The following EPHA6 variants were observed in gnomAD, a reference collection of about 807,000 sequenced individuals.
EPHA6 encodes the protein EPH receptor A6, also known as ephrin type-A receptor 6.
In EPHA6, 50 loss-of-function variants were observed where a neutral mutation model predicts 112.0. That is an observed-to-expected ratio of 0.45 (90% confidence interval 0.36 to 0.56). The LOEUF is 0.56. Ranked by LOEUF, EPHA6 falls within the 20% of genes least tolerant of loss-of-function variation. The pLI is 0.00. For missense variants in EPHA6, 1,280 were observed against 1,417.4 expected (o/e 0.90, Z 1.56); for synonymous variants, 529 against 490.7 (o/e 1.08, Z -1.03).
In EPHA6 at chr3:97,267,025, C is replaced by T. The variant is rs564774210; in HGVS notation, c.1606+22738C>T. Among the ~76,000 whole-genome samples, 11 of 152,156 alleles carry T rather than the reference C, an allele frequency of 7.2e-5. No individual in the cohort carries two copies. The South Asian group carries it at 2.3e-3, about 32-fold the overall frequency. On this transcript the variant is annotated intron_variant, in intron 5 of 17. Transcript: ENST00000389672. ...GAGATCTGTAGCCAATGTTTTATAA[C>T]CATACCAGTTTGTTATTTTAGTGTC... is the stretch of plus-strand genomic sequence containing the variant.
At chr3:97,013,115 T>C (rs28688092) in intron 3 of EPHA6, among the ~76,000 whole-genome samples, 2,686 of 152,268 alleles carry the variant, frequency 0.018, 67 homozygotes, top group African/African-American at 0.05. Context: ...GCCTCACTTG[T>C]CAATTTTTGT....
chr3:97,068,155 AAAAAAAAAAG>A (rs1466145798), intron 3 of EPHA6, among the ~76,000 whole-genome samples: 14 of 111,972 alleles, frequency 1.3e-4, no homozygotes, highest in African/African-American at 8.8e-4. Flanking sequence ...ACTCCATCTC[AAAAAAAAAAG>A]AAAAAAAAAA....
At chr3:97,109,780 GGCTCCTGACCTT>G (rs1377040603) in intron 3 of EPHA6, among the ~76,000 whole-genome samples, 2 of 152,108 alleles carry the variant, frequency 1.3e-5, no homozygotes, top group African/African-American at 4.8e-5. Context: ...GATGGACAGA[GGCTCCTGACCTT>G]ATGAAGATAT....
chr3:96,988,848 A>G (rs574681064), intron 3 of EPHA6, among the ~76,000 whole-genome samples: 2 of 152,264 alleles, frequency 1.3e-5, no homozygotes, highest in East Asian at 1.9e-4. Context: ...AAATACCTAT[A>G]ATTTTCGTGA....
chr3:97,411,326 T>A (rs1182412726), intron 6 of EPHA6, among the ~76,000 whole-genome samples: 10 of 151,964 alleles, frequency 6.6e-5, no homozygotes, highest in Admixed American at 5.9e-4. Flanking sequence ...GGGCCAATAC[T>A]GCATCCACAG....
chr3:97,106,383 T>C (rs1453149332), intron 3 of EPHA6, among the ~76,000 whole-genome samples: 2 of 152,036 alleles, frequency 1.3e-5, no homozygotes, highest in African/African-American at 4.8e-5. Context: ...TACAAGCACA[T>C]CCTTATATTA....
chr3:96,991,818 C>G (rs182440375), intron 3 of EPHA6, among the ~76,000 whole-genome samples: 6 of 152,218 alleles, frequency 3.9e-5, no homozygotes. Flanking sequence ...GTTATGGTTC[C>G]TTACACACAC....
In EPHA6 at chr3:96,979,233, G is replaced by A. The variant is rs530149908; in HGVS notation, c.451-8097G>A. Reference sequence around the variant, plus strand: ...CTCCCCCCACCCCACCACAGGCCCCGGTGTGTGATGTTCCCCTTCCTGTGT... The same window carrying A: ...CTCCCCCCACCCCACCACAGGCCCCAGTGTGTGATGTTCCCCTTCCTGTGT... On this transcript the variant is annotated intron_variant, in intron 2 of 17. Transcript: ENST00000389672. Among the ~76,000 whole-genome samples the A allele has an allele frequency of 7.6e-5, 8 of 105,286 alleles. No individual in the cohort carries two copies. In the South Asian group the frequency reaches 1.5e-3, roughly 20 times the overall value. 69.1% of individuals were successfully genotyped at this position (105,286 alleles called of 152,430 possible).
chr3:97,029,679 A>G (rs2044757528), intron 3 of EPHA6, among the ~76,000 whole-genome samples: 1 of 152,156 alleles, frequency 6.6e-6, no homozygotes, highest in Non-Finnish European at 1.5e-5. Context: ...TTTCATCAAA[A>G]TTTATTGAAT....
At chr3:97,118,461 T>A (rs2047955443) in intron 3 of EPHA6, among the ~76,000 whole-genome samples, 1 of 151,908 alleles carries the variant, frequency 6.6e-6, no homozygotes, top group South Asian at 2.1e-4. Context: ...ACTTAAACTT[T>A]TGGAGACTGA....
chr3:96,935,586 C>T (rs1176087520), intron 2 of EPHA6, among the ~76,000 whole-genome samples: 1 of 148,998 alleles, frequency 6.7e-6, no homozygotes, highest in Non-Finnish European at 1.5e-5. Flanking sequence ...ATAAAAATTT[C>T]CAGATTGTTG....
intron 5 of EPHA6, among the ~76,000 whole-genome samples, chr3:97,373,695 C>A (rs535120424): frequency 6.6e-6 from 1 of 152,118 alleles, no homozygotes; most frequent in Non-Finnish European, 1.5e-5. Context: ...GAGAGGTGAT[C>A]ATTTTTAAAG....
chr3:97,580,881 C>T (rs995090076), intron 11 of EPHA6, among the ~76,000 whole-genome samples: 1 of 152,186 alleles, frequency 6.6e-6, no homozygotes, highest in African/African-American at 2.4e-5. Flanking sequence ...ACCCATTTCA[C>T]ACTTATGATC....
chr3:97,502,529 A>G (rs1416339111), intron 10 of EPHA6, among the ~76,000 whole-genome samples: 3 of 151,888 alleles, frequency 2.0e-5, no homozygotes, highest in Non-Finnish European at 4.4e-5. Context: ...TTCCCAGAAT[A>G]CACATTAATC....
chr3:97,475,577 A>G, intron 8 of EPHA6, 117 bp downstream of exon 8: 2 of 664,008 alleles, frequency 3.0e-6, no homozygotes, highest in South Asian at 4.0e-5. Flanking sequence ...GAGGGATCCC[A>G]TAAGAATCCA....
At chr3:97,098,052 ATT>A (rs1444950768) in intron 3 of EPHA6, among the ~76,000 whole-genome samples, 2 of 152,004 alleles carry the variant, frequency 1.3e-5, no homozygotes, top group Non-Finnish European at 2.9e-5. Context: ...CTCACATAAT[ATT>A]TACAACATAC....
At chr3:97,249,825 T>TA (rs1180261575) in intron 5 of EPHA6, among the ~76,000 whole-genome samples, 4 of 152,182 alleles carry the variant, frequency 2.6e-5, no homozygotes, top group Non-Finnish European at 5.9e-5. Flanking sequence ...CTGAATTCAT[T>TA]AAAAAATATT....
At chr3:97,082,825 G>A (rs1051991581) in intron 3 of EPHA6, among the ~76,000 whole-genome samples, 1 of 151,686 alleles carries the variant, frequency 6.6e-6, no homozygotes, top group African/African-American at 2.4e-5. Flanking sequence ...CAGTAAATAC[G>A]ATTAAATATA....
chr3:97,444,974 A>G (rs2090281939), intron 6 of EPHA6, among the ~76,000 whole-genome samples: 2 of 152,094 alleles, frequency 1.3e-5, no homozygotes, highest in African/African-American at 4.8e-5. Flanking sequence ...GGGTCTTCCC[A>G]TGGGAAGAGA....
Sources: gnomAD v4.1 joint callset for allele counts (sites outside exome capture counted in the v4.1 genomes callset) on GRCh38, gnomAD v4.1.1 for gene constraint, MANE v1.5 for transcripts, NCBI Gene and HGNC (gene_info 2026-07-23, HGNC 2026-07-21) for gene names.